PIP4K2B: variants seen among roughly 807,000 people sequenced by gnomAD.
PIP4K2B encodes phosphatidylinositol-5-phosphate 4-kinase type 2 beta.
In PIP4K2B, 3 loss-of-function variants were observed where a neutral mutation model predicts 42.0. That is an observed-to-expected ratio of 0.07 (90% CI 0.03 to 0.18). The LOEUF (loss-of-function observed/expected upper bound fraction) is 0.18, where lower values mean the gene tolerates loss of function less well. Ranked by LOEUF, PIP4K2B falls within the 10% of genes least tolerant of loss-of-function variation. The pLI is 1.00. For synonymous variants in PIP4K2B, 204 were observed against 210.1 expected, an observed-to-expected ratio of 0.97 and a Z score of 0.25; for missense variants, 332 against 562.3, an observed-to-expected ratio of 0.59 and a Z score of 4.14.
rs1403137699 is a variant in PIP4K2B, at chr17:38,799,230, G to A, written c.159+36C>T. ...GCTGCAGGGGGCGTGGGAGCGCGCG[G>A]GGCCGCGCTCAGAGGGGCGCGCAGG... On this transcript the variant is annotated intron_variant, in intron 1 of 9. Coordinates refer to ENST00000619039, the MANE Select transcript of PIP4K2B (RefSeq NM_003559.5). The surrounding 1 kb of genome is among the most constrained non-coding windows in gnomAD (Gnocchi z 4.4). The A allele has an allele frequency of 2.6e-6, 4 of 1,552,084 alleles. No individual in the cohort carries two copies. Among genetic ancestry groups the A allele is most frequent in the Non-Finnish European group, 3.5e-6 (4 of 1,154,174 alleles).
intron 6 of PIP4K2B, 138 bp downstream of exon 6, chr17:38,778,196 G>A (rs1909474840): frequency 2.5e-6 from 2 of 814,668 alleles, no homozygotes; most frequent in African/African-American, 1.7e-5. Context: ...GGTGATTCAT[G>A]ACACACGGCA....
intron 1 of PIP4K2B, among the ~76,000 whole-genome samples, chr17:38,794,260 G>A (rs1910500166): frequency 6.6e-6 from 1 of 152,058 alleles, no homozygotes; most frequent in South Asian, 2.1e-4. Flanking sequence ...CCTTATATAA[G>A]GTTTCAAAAC....
intron 1 of PIP4K2B, among the ~76,000 whole-genome samples, chr17:38,790,351 T>C (rs1386623753): frequency 1.3e-5 from 2 of 152,194 alleles, no homozygotes; most frequent in Admixed American, 1.3e-4. Flanking sequence ...TCCTGGCATA[T>C]CAAGCCTGGC....
rs1908684628 is a variant in PIP4K2B, at chr17:38,766,028, C to G, written c.*3663G>C. 1 of 152,728 alleles carries G rather than the reference C, an allele frequency of 6.5e-6. No individual in the cohort carries two copies. Among genetic ancestry groups the G allele is most frequent in the Admixed American group, 6.5e-5 (1 of 15,286 alleles). 9.5% of individuals were successfully genotyped at this position (152,728 alleles called of 1,614,324 possible). A position where few individuals can be genotyped will look rare whatever the true frequency, so the allele number is the denominator to read the frequency against. ...GCTCCCACCGCCTCTCACAGTGGCTCTGCGCAAGGGCAAGAGGCTCCTGTG... is the reference window on the plus strand; with the variant it reads ...GCTCCCACCGCCTCTCACAGTGGCTGTGCGCAAGGGCAAGAGGCTCCTGTG... On this transcript the variant is annotated 3_prime_UTR_variant, in exon 10 of 10. Transcript: ENST00000619039.
intron 7 of PIP4K2B, chr17:38,775,980 C>T: frequency 2.5e-6 from 1 of 400,646 alleles, no homozygotes; most frequent in Non-Finnish European, 4.9e-6. Context: ...TGTTTGCTTC[C>T]TTTTTTTTTT....
intron 1 of PIP4K2B, among the ~76,000 whole-genome samples, chr17:38,788,868 G>A (rs760203273): frequency 1.2e-4 from 15 of 126,416 alleles, no homozygotes; most frequent in Admixed American, 2.5e-4. Context: ...CAGGAGAATC[G>A]TTTGAACCCA....
At chr17:38,778,726 T>A (rs228295) in intron 5 of PIP4K2B, among the ~76,000 whole-genome samples, 98,135 of 151,930 alleles carry the variant, frequency 0.65, 33,107 homozygotes, top group Admixed American at 0.79. Flanking sequence ...TGAAAGCACA[T>A]ACCACACGGG....
rs1344403466 is a variant in PIP4K2B at position 38,766,080 on chromosome 17, C to T, written c.*3611G>A. 2.6e-5 allele frequency: 4 copies of T among 152,556 alleles called. No individual in the cohort carries two copies. Among genetic ancestry groups the T allele is most frequent in the Non-Finnish European group, 4.4e-5 (3 of 68,062 alleles). 9.5% of individuals were successfully genotyped at this position (152,556 alleles called of 1,614,324 possible). A position where few individuals can be genotyped will look rare whatever the true frequency, so the allele number is the denominator to read the frequency against. Reference sequence around the variant, plus strand: ...AAACTTCTGCCCTGGGATACTGGCACAAGCTGCCAAGGGACAGCTGAGTCT... The same window carrying T: ...AAACTTCTGCCCTGGGATACTGGCATAAGCTGCCAAGGGACAGCTGAGTCT... On this transcript the variant is annotated 3_prime_UTR_variant, in exon 10 of 10. Coordinates refer to ENST00000619039, the MANE Select transcript of PIP4K2B (RefSeq NM_003559.5).
chr17:38,778,632 G>A (rs1909504042), intron 5 of PIP4K2B, among the ~76,000 whole-genome samples: 1 of 152,212 alleles, frequency 6.6e-6, no homozygotes, highest in South Asian at 2.1e-4. Context: ...TAACAGGGGA[G>A]ACAGATATTC....
At chr17:38,792,391 ACCTCAG>A (rs1910389714) in intron 1 of PIP4K2B, among the ~76,000 whole-genome samples, 5 of 151,982 alleles carry the variant, frequency 3.3e-5, no homozygotes, top group Admixed American at 6.6e-5. Flanking sequence ...CAATCCATCC[ACCTCAG>A]TCTCTCAAAG....
At position 38,780,562 on chromosome 17, in the gene PIP4K2B, C is replaced by T; in HGVS notation, c.397G>A (p.Gly133Ser). ...GTGAGGAAACGCGTGCCACACCGAC[C>T]CTGGCTGTCACTGTTGATGGGGGCG... ...RSAPINSDSQ[G>S]RCGTRFLTTY... The change falls in exon 4 of 10, where the codon GGT (glycine) becomes AGT (serine). Residue 133 changes from glycine (G) to serine (S), a missense_variant. Gly to Ser is a moderately conservative substitution (Grantham distance 56). Transcript: ENST00000619039. The T allele has an allele frequency of 6.2e-7, 1 of 1,613,588 alleles. No individual in the cohort carries two copies. Among genetic ancestry groups the T allele is most frequent in the Non-Finnish European group, 8.5e-7 (1 of 1,179,510 alleles).
At chr17:38,773,983 AAAT>A (rs915121203) in intron 7 of PIP4K2B, among the ~76,000 whole-genome samples, 115 of 152,250 alleles carry the variant, frequency 7.6e-4, no homozygotes, top group African/African-American at 2.7e-3. Context: ...GACTCAGGAC[AAAT>A]AATGTCAGAT....
Position 38,799,040 on chromosome 17 carries a change from G to A in PIP4K2B, c.159+226C>T, listed in dbSNP as rs903305339. ...CACGCAGGAAGCCAGAAGGGCTGGAGGGAAGGGGAGGTGGCGACGGCAGAC... is the reference window on the plus strand; with the variant it reads ...CACGCAGGAAGCCAGAAGGGCTGGAAGGAAGGGGAGGTGGCGACGGCAGAC... On this transcript the variant is annotated intron_variant, in intron 1 of 9. Transcript: ENST00000619039. This position sits in a 1 kb window ranked among gnomAD's most constrained non-coding sequence, Gnocchi z 4.4. 6.6e-6 allele frequency among the ~76,000 whole-genome samples: 1 copy of A among 152,242 alleles called. No homozygotes were observed. Among genetic ancestry groups the A allele is most frequent in the Non-Finnish European group, 1.5e-5 (1 of 68,046 alleles).
At chr17:38,791,295 G>C (rs1162174997) in intron 1 of PIP4K2B, among the ~76,000 whole-genome samples, 1 of 151,882 alleles carries the variant, frequency 6.6e-6, no homozygotes, top group Non-Finnish European at 1.5e-5. Flanking sequence ...ACAAGATCAT[G>C]CTACACTCCT....
chr17:38,779,563 G>A, intron 4 of PIP4K2B, 34 bp from the exon 5 acceptor site: 1 of 1,595,638 alleles, frequency 6.3e-7, no homozygotes. Flanking sequence ...GAGGACTAAG[G>A]AACAGGCAGT....
At chr17:38,784,055 G>A (rs550080193) in intron 3 of PIP4K2B, among the ~76,000 whole-genome samples, 188 bp downstream of exon 3, 46 of 152,288 alleles carry the variant, frequency 3.0e-4, no homozygotes, top group African/African-American at 1.1e-3. Flanking sequence ...ATCCTCAGAA[G>A]CATTTCTAAG....
intron 1 of PIP4K2B, among the ~76,000 whole-genome samples, chr17:38,798,452 G>T (rs1393042507): frequency 6.6e-6 from 1 of 152,166 alleles, no homozygotes; most frequent in Non-Finnish European, 1.5e-5. Flanking sequence ...TAAGGACCCA[G>T]GGGACCTATC....
chr17:38,786,152 G>A (rs2143433118), intron 2 of PIP4K2B, among the ~76,000 whole-genome samples: 1 of 152,324 alleles, frequency 6.6e-6, no homozygotes, highest in Non-Finnish European at 1.5e-5. Context: ...ATAGAACCAG[G>A]ATTCACATGC....
At chr17:38,796,298 G>A (rs1026544048) in intron 1 of PIP4K2B, among the ~76,000 whole-genome samples, 1 of 152,178 alleles carries the variant, frequency 6.6e-6, no homozygotes, top group Non-Finnish European at 1.5e-5. Context: ...AGCCACTTTA[G>A]AGAACAGTTT....
Sources: gnomAD v4.1 joint callset for allele counts (sites outside exome capture counted in the v4.1 genomes callset) on GRCh38, gnomAD v4.1.1 for gene constraint, Gnocchi (gnomAD v3.1) non-coding constraint, MANE v1.5 for transcripts, NCBI Gene and HGNC (gene_info 2026-07-23, HGNC 2026-07-21) for gene names.